Variants in CMIP observed in about 807,000 individuals in gnomAD.
The protein encoded by CMIP is c-Maf inducing protein, also known as C-Maf-inducing protein.
In CMIP, 13 loss-of-function variants were observed where a neutral mutation model predicts 97.3. The ratio of observed to expected loss-of-function variants is 0.13; its 90% CI spans 0.09 to 0.21. The LOEUF is 0.21. CMIP is among the 10% of genes least tolerant of loss of function. CMIP has a pLI of 1.00. For synonymous variants in CMIP, 538 were observed against 436.3 expected (o/e 1.23, Z -2.91); for missense variants, 847 against 1,024.9 (o/e 0.83, Z 2.37).
At chr16:81,615,015 CTG>C (rs1299429399) in intron 2 of CMIP, among the ~76,000 whole-genome samples, 4 of 127,682 alleles carry the variant, frequency 3.1e-5, no homozygotes, top group Non-Finnish European at 5.1e-5. Context: ...TGTGATGTCT[CTG>C]TGTGTATATG....
intron 1 of CMIP, chr16:81,476,534 G>A (rs1180393661): frequency 1.6e-6 from 1 of 637,588 alleles, no homozygotes; most frequent in Non-Finnish European, 2.9e-6. Context: ...GATAGAACAG[G>A]TTTCCCGACG....
At chr16:81,602,915 A>T (rs985600983) in intron 1 of CMIP, among the ~76,000 whole-genome samples, 6 of 152,198 alleles carry the variant, frequency 3.9e-5, no homozygotes, top group African/African-American at 1.4e-4. Flanking sequence ...CAGCGATAGG[A>T]AAGTACCCAG....
chr16:81,540,802 T>C (rs904200664), intron 1 of CMIP, among the ~76,000 whole-genome samples: 4 of 152,136 alleles, frequency 2.6e-5, no homozygotes, highest in African/African-American at 9.7e-5. Flanking sequence ...TGCCTCAGCC[T>C]CCCGAGTAGC....
intron 14 of CMIP, among the ~76,000 whole-genome samples, chr16:81,699,255 C>CA (rs202050784): frequency 0.024 from 3,686 of 151,524 alleles, 143 homozygotes; most frequent in African/African-American, 0.066. Context: ...GACTCCATCT[C>CA]AAAAAAAATA....
At chr16:81,677,764 G>A (rs892517910) in intron 9 of CMIP, among the ~76,000 whole-genome samples, 6 of 152,206 alleles carry the variant, frequency 3.9e-5, no homozygotes, top group Non-Finnish European at 7.3e-5. Context: ...CAGAAGGGCA[G>A]ATACTGAGCT....
intron 1 of CMIP, among the ~76,000 whole-genome samples, chr16:81,581,911 G>A (rs2091302730): frequency 6.6e-6 from 1 of 152,162 alleles, no homozygotes; most frequent in Non-Finnish European, 1.5e-5. Context: ...CTGAGACTGG[G>A]TAATTTTAAG....
intron 1 of CMIP, among the ~76,000 whole-genome samples, chr16:81,604,660 A>G (rs1431889040): frequency 6.6e-6 from 1 of 152,220 alleles, no homozygotes; most frequent in Non-Finnish European, 1.5e-5. Flanking sequence ...AGATCGCGCC[A>G]CTGCAGTCCA....
intron 1 of CMIP, among the ~76,000 whole-genome samples, chr16:81,501,235 AGATC>A (rs1380646186): frequency 6.6e-6 from 1 of 152,188 alleles, no homozygotes; most frequent in Non-Finnish European, 1.5e-5. Context: ...GGAATTTCTG[AGATC>A]GAGTAATTTG....
intron 20 of CMIP, 32 bp downstream of exon 20, chr16:81,707,116 C>T (rs770167431): frequency 2.2e-5 from 35 of 1,582,296 alleles, no homozygotes; most frequent in Middle Eastern, 1.7e-4. Flanking sequence ...ACTCTCCTCC[C>T]CTCCTTCTTC....
chr16:81,572,760 C>T (rs1164774978), intron 1 of CMIP, among the ~76,000 whole-genome samples: 1 of 152,186 alleles, frequency 6.6e-6, no homozygotes, highest in Admixed American at 6.5e-5. Flanking sequence ...CAAGGTCCCT[C>T]AGGCTGGTTG....
intron 1 of CMIP, among the ~76,000 whole-genome samples, chr16:81,496,463 G>C (rs545312953): frequency 1.3e-5 from 2 of 152,294 alleles, no homozygotes; most frequent in South Asian, 4.1e-4. Flanking sequence ...AAGTGAGAAG[G>C]ACTTTGAAGG....
intron 1 of CMIP, among the ~76,000 whole-genome samples, chr16:81,566,373 C>T (rs2090984176): frequency 6.6e-6 from 1 of 152,240 alleles, no homozygotes. Context: ...CTTCCTCCCT[C>T]ACTGCTGCTG....
intron 1 of CMIP, among the ~76,000 whole-genome samples, chr16:81,487,645 A>G (rs909545206): frequency 1.2e-4 from 18 of 152,220 alleles, no homozygotes; most frequent in African/African-American, 3.1e-4. Flanking sequence ...GCTCTGTGAC[A>G]CTGGGCAAGT....
rs191640916 is a variant in CMIP, at chr16:81,542,089, C to T, written c.301-65478C>T. On this transcript the variant is annotated intron_variant, in intron 1 of 20. Transcript: ENST00000537098. ...GTCGATGGATGTGAAGGCCCTTTCT[C>T]GCTTTTCACTCTTAAACACAGCCCA... 3.2e-3 allele frequency among the ~76,000 whole-genome samples: 493 copies of T among 152,258 alleles called. 4 individuals carry two copies. Among genetic ancestry groups the T allele is most frequent in the African/African-American group, 0.011 (466 of 41,518 alleles).
chr16:81,610,723 G>T (rs1438038311), intron 2 of CMIP, among the ~76,000 whole-genome samples: 1 of 152,188 alleles, frequency 6.6e-6, no homozygotes, highest in African/African-American at 2.4e-5. Flanking sequence ...TAGCGAGTCT[G>T]TGTGGTTCTA....
At chr16:81,639,284 C>T (rs2092275150) in intron 3 of CMIP, among the ~76,000 whole-genome samples, 1 of 152,226 alleles carries the variant, frequency 6.6e-6, no homozygotes, top group Non-Finnish European at 1.5e-5. Flanking sequence ...GTGAAATATG[C>T]ATGAGGCATC....
rs1298495886 is a variant in CMIP, at chr16:81,635,187, A to G, written c.477+14261A>G. 2.0e-5 allele frequency among the ~76,000 whole-genome samples: 3 copies of G among 152,244 alleles called. No individual in the cohort carries two copies. The East Asian group carries it at 5.8e-4, about 29-fold the overall frequency. ...TGCCACCTTATATTAATGATTAATA[A>G]GAGGTGTTCCCCACCCCCACCCCGT... On this transcript the variant is annotated intron_variant, in intron 3 of 20. Transcript: ENST00000537098.
At chr16:81,635,464 T>C (rs1445701383) in intron 3 of CMIP, among the ~76,000 whole-genome samples, 2 of 152,174 alleles carry the variant, frequency 1.3e-5, no homozygotes, top group African/African-American at 4.8e-5. Context: ...GGAAAATCGA[T>C]ACGAATTGAT....
At chr16:81,698,699 C>T (rs1425596006) in intron 14 of CMIP, among the ~76,000 whole-genome samples, 1 of 152,200 alleles carries the variant, frequency 6.6e-6, no homozygotes, top group African/African-American at 2.4e-5. Flanking sequence ...CCATCACCAC[C>T]GTTCATCTCC....
Sources: gnomAD v4.1 joint callset for allele counts (sites outside exome capture counted in the v4.1 genomes callset) on GRCh38, gnomAD v4.1.1 for gene constraint, MANE v1.5 for transcripts, NCBI Gene and HGNC (gene_info 2026-07-23, HGNC 2026-07-21) for gene names.